GBE1: variants seen among roughly 807,000 people sequenced by gnomAD.
GBE1 encodes the protein 1,4-alpha-glucan-branching enzyme.
In GBE1, 70 loss-of-function variants were observed where a neutral mutation model predicts 88.8. The ratio of observed to expected loss-of-function variants is 0.79; its 90% CI spans 0.65 to 0.96. The LOEUF (loss-of-function observed/expected upper bound fraction) is 0.96, where lower values mean the gene tolerates loss of function less well. GBE1 is among the 40% of genes least tolerant of loss of function. GBE1 has a pLI of 0.00. For missense variants in GBE1, 872 were observed against 871.0 expected (o/e 1.00, Z -0.01); for synonymous variants, 284 against 300.1 (o/e 0.95, Z 0.56).
intron 3 of GBE1, among the ~76,000 whole-genome samples, chr3:81,650,986 C>A (rs961011453): frequency 2.0e-5 from 3 of 152,130 alleles, no homozygotes; most frequent in Non-Finnish European, 2.9e-5. Flanking sequence ...GAAATTGTAG[C>A]TTTTACACAA....
chr3:81,695,575 T>C (rs1049110527), intron 2 of GBE1, among the ~76,000 whole-genome samples: 2 of 152,190 alleles, frequency 1.3e-5, no homozygotes, highest in African/African-American at 4.8e-5. Flanking sequence ...ATAGTAATAA[T>C]GGTTGCACAA....
At chr3:81,613,025 AGAT>A in intron 7 of GBE1, 3 of 618,696 alleles carry the variant, frequency 4.8e-6, no homozygotes, top group Non-Finnish European at 7.4e-6. Context: ...AAGGTGAAGA[AGAT>A]GAAGATGATG....
At position 81,728,593 on chromosome 3, in the gene GBE1, T is replaced by C. The variant is rs1706143188; in HGVS notation, c.144-22980A>G. Among the ~76,000 whole-genome samples, 6 of 151,822 alleles carry C rather than the reference T, an allele frequency of 4.0e-5. 1 individual carries two copies. In the South Asian group the frequency reaches 1.2e-3, roughly 32 times the overall value. ...CCTTTAGTTTAGCCATATATTGCAA[T>C]GGATTATACAACAAAAATATATTCT... On this transcript the variant is annotated intron_variant, in intron 1 of 15. Coordinates refer to ENST00000429644, the MANE Select transcript of GBE1 (RefSeq NM_000158.4).
At chr3:81,750,644 T>TATATAC (rs1491188517) in intron 1 of GBE1, among the ~76,000 whole-genome samples, 1 of 50,902 alleles carries the variant, frequency 2.0e-5, no homozygotes, top group Admixed American at 2.9e-4. Context: ...TATATATATA[T>TATATAC]GTATATATAT....
At chr3:81,615,093 T>C (rs939154994) in intron 7 of GBE1, among the ~76,000 whole-genome samples, 5 of 152,118 alleles carry the variant, frequency 3.3e-5, no homozygotes, top group Admixed American at 2.0e-4. Flanking sequence ...GCTATGTCAA[T>C]AGGTTTTTGA....
intron 14 of GBE1, among the ~76,000 whole-genome samples, chr3:81,504,251 A>G (rs1429156926): frequency 6.6e-6 from 1 of 152,056 alleles, no homozygotes; most frequent in Non-Finnish European, 1.5e-5. Context: ...GAAAATGACA[A>G]GAGAAGAATA....
At chr3:81,742,678 AAAG>A (rs1706364939) in intron 1 of GBE1, among the ~76,000 whole-genome samples, 1 of 152,144 alleles carries the variant, frequency 6.6e-6, no homozygotes, top group African/African-American at 2.4e-5. Context: ...GCCTGAGGCG[AAAG>A]AAGTTTTTTA....
intron 1 of GBE1, among the ~76,000 whole-genome samples, chr3:81,745,833 G>A (rs1472922409): frequency 6.6e-6 from 1 of 151,990 alleles, no homozygotes; most frequent in African/African-American, 2.4e-5. Flanking sequence ...TCTAAATTTT[G>A]CCAAATAAAC....
At chr3:81,495,275 G>A (rs931315993) in intron 15 of GBE1, among the ~76,000 whole-genome samples, 12 of 152,110 alleles carry the variant, frequency 7.9e-5, no homozygotes, top group Non-Finnish European at 1.8e-4. Context: ...TGTAATCCCA[G>A]CTATTCGGGA....
intron 12 of GBE1, among the ~76,000 whole-genome samples, chr3:81,541,316 A>T (rs186143354): frequency 2.4e-3 from 358 of 151,938 alleles, no homozygotes; most frequent in Non-Finnish European, 3.7e-3. Context: ...CCACCCCACG[A>T]TACAGCCTCA....
At chr3:81,571,341 T>C (rs1301077583) in intron 12 of GBE1, among the ~76,000 whole-genome samples, 1 of 152,226 alleles carries the variant, frequency 6.6e-6, no homozygotes, top group Non-Finnish European at 1.5e-5. Context: ...TCCAGATTTC[T>C]TCTGATATTT....
At chr3:81,536,392 T>C (rs898839403) in intron 13 of GBE1, among the ~76,000 whole-genome samples, 12 of 151,810 alleles carry the variant, frequency 7.9e-5, no homozygotes, top group African/African-American at 2.9e-4. Context: ...TGTTGAAAAC[T>C]GAGACATTAA....
chr3:81,622,015 C>A (rs1704340158), intron 7 of GBE1, among the ~76,000 whole-genome samples: 1 of 152,170 alleles, frequency 6.6e-6, no homozygotes, highest in Non-Finnish European at 1.5e-5. Context: ...CAGCTAAATC[C>A]CATCAGCTGA....
At chr3:81,740,960 A>G (rs972049326) in intron 1 of GBE1, among the ~76,000 whole-genome samples, 2 of 152,186 alleles carry the variant, frequency 1.3e-5, no homozygotes, top group Non-Finnish European at 2.9e-5. Flanking sequence ...GCCAACTGAC[A>G]GGGATTTAAA....
Position 81,609,625 on chromosome 3 carries a change from T to C in GBE1, c.993-15602A>G, listed in dbSNP as rs188278268. On this transcript the variant is annotated intron_variant, in intron 7 of 15. Transcript: ENST00000429644. ...TTTGTTATTTTGCTTGTTATTGATA[T>C]ATTAGTGAAGTTAATAAAGCTTTGG... Among the ~76,000 whole-genome samples, 7 of 152,300 alleles carry C rather than the reference T, an allele frequency of 4.6e-5. No individual in the cohort carries two copies. In the East Asian group the frequency reaches 1.3e-3, roughly 29 times the overall value.
At chr3:81,536,678 A>G (rs940396696) in intron 13 of GBE1, among the ~76,000 whole-genome samples, 4 of 152,192 alleles carry the variant, frequency 2.6e-5, no homozygotes, top group Non-Finnish European at 4.4e-5. Context: ...TACTAAATTT[A>G]AACAGTAACA....
intron 12 of GBE1, among the ~76,000 whole-genome samples, chr3:81,548,245 T>C (rs1703233289): frequency 6.6e-6 from 1 of 151,564 alleles, no homozygotes. Context: ...ATAAAAATTG[T>C]AAGGGTTAAA....
At chr3:81,726,680 C>T (rs574103417) in intron 1 of GBE1, among the ~76,000 whole-genome samples, 20 of 151,044 alleles carry the variant, frequency 1.3e-4, no homozygotes, top group African/African-American at 4.9e-4. Context: ...CTCCCAGGTT[C>T]AAGCTATTCT....
Position 81,489,823 on chromosome 3 carries a change from G to A in GBE1, c.*584C>T, listed in dbSNP as rs1410972262. ...TTAACAAGATACTTAGTGGACAAGAGATCACAAAATAAAACACAAAATGAG... is the reference window on the plus strand; with the variant it reads ...TTAACAAGATACTTAGTGGACAAGAAATCACAAAATAAAACACAAAATGAG... On this transcript the variant is annotated 3_prime_UTR_variant, in exon 16 of 16. Coordinates refer to ENST00000429644, the MANE Select transcript of GBE1 (RefSeq NM_000158.4). 6.6e-6 allele frequency: 1 copy of A among 152,064 alleles called. No homozygotes were observed. The highest frequency in any genetic ancestry group is 2.4e-5 in the African/African-American group (1 of 41,408). 9.4% of individuals were successfully genotyped at this position (152,064 alleles called of 1,614,324 possible). A position where few individuals can be genotyped will look rare whatever the true frequency, so the allele number is the denominator to read the frequency against.
Sources: gnomAD v4.1 joint callset for allele counts (sites outside exome capture counted in the v4.1 genomes callset) on GRCh38, gnomAD v4.1.1 for gene constraint, MANE v1.5 for transcripts, NCBI Gene and HGNC (gene_info 2026-07-23, HGNC 2026-07-21) for gene names.